SREK1IP1: variants seen among roughly 807,000 people sequenced by gnomAD.
The protein encoded by SREK1IP1 is protein SREK1IP1.
A neutral mutation model predicts 22.8 loss-of-function variants in SREK1IP1; 12 were observed. That is an observed-to-expected ratio of 0.53 (90% CI 0.34 to 0.85). SREK1IP1 has a LOEUF of 0.85. SREK1IP1 is among the 40% of genes least tolerant of loss of function. The pLI is 0.02. For missense variants in SREK1IP1, 147 were observed against 171.8 expected, an observed-to-expected ratio of 0.86 and a Z score of 0.81; for synonymous variants, 53 against 52.7, an observed-to-expected ratio of 1.01 and a Z score of -0.02.
chr5:64,755,179 C>A (rs965536124), intron 1 of SREK1IP1, among the ~76,000 whole-genome samples: 5 of 150,844 alleles, frequency 3.3e-5, no homozygotes, highest in African/African-American at 1.2e-4. Context: ...TAAAACAGCA[C>A]TATCATTCGA....
chr5:64,744,213 C>T (rs1341650094), intron 2 of SREK1IP1, among the ~76,000 whole-genome samples: 1 of 152,018 alleles, frequency 6.6e-6, no homozygotes, highest in Non-Finnish European at 1.5e-5. Context: ...GGTAGGGCAC[C>T]ATGCATAAGA....
chr5:64,728,921 C>T lies in SREK1IP1; in HGVS notation c.206-742G>A, dbSNP rs554132443. 2.6e-5 allele frequency among the ~76,000 whole-genome samples: 4 copies of T among 152,212 alleles called. No individual in the cohort carries two copies. The East Asian group carries it at 7.7e-4, about 29-fold the overall frequency. ...ATTTAAAGAAAAAGCAGGCTGGGCG[C>T]GGTGGCTCATGCCTGTAATCCCAGC... On this transcript the variant is annotated intron_variant, in intron 3 of 4. Coordinates refer to ENST00000513458, the MANE Select transcript of SREK1IP1 (RefSeq NM_173829.4).
At chr5:64,749,103 TAATA>T (rs1248638000) in intron 2 of SREK1IP1, among the ~76,000 whole-genome samples, 2 of 142,272 alleles carry the variant, frequency 1.4e-5, no homozygotes, top group Non-Finnish European at 3.0e-5. Flanking sequence ...ATAATAATAA[TAATA>T]AAAACCCTCC....
intron 3 of SREK1IP1, among the ~76,000 whole-genome samples, chr5:64,733,274 T>G (rs924800115): frequency 6.6e-6 from 1 of 152,104 alleles, no homozygotes; most frequent in Non-Finnish European, 1.5e-5. Context: ...GTAACTATTT[T>G]CAAAACAGGT....
At chr5:64,745,374 T>G (rs925099333) in intron 2 of SREK1IP1, among the ~76,000 whole-genome samples, 2 of 152,174 alleles carry the variant, frequency 1.3e-5, no homozygotes, top group African/African-American at 4.8e-5. Flanking sequence ...GTGGATCACT[T>G]GAGTCCAAGA....
At chr5:64,730,094 G>A (rs1035804299) in intron 3 of SREK1IP1, among the ~76,000 whole-genome samples, 3 of 152,104 alleles carry the variant, frequency 2.0e-5, no homozygotes, top group African/African-American at 4.8e-5. Context: ...CAACATTTAC[G>A]GGCTGAGAAG....
Position 64,724,403 on chromosome 5 carries a change from G to C in SREK1IP1, c.449C>G (p.Ser150Cys), listed in dbSNP as rs533319352. Residue 150 changes from serine to cysteine, a missense_variant, in exon 5 of 5, where the codon TCT becomes TGT. Ser to Cys is a moderately radical substitution (Grantham distance 112, BLOSUM62 -1). Transcript: ENST00000513458. ...KEKHSSTPNSSEFSRK is the reference protein window; with the variant it reads ...KEKHSSTPNSCEFSRK ...TCTCAGTTACTTTCTGGAGAATTCA[G>C]AACTATTAGGTGTAGAAGAATGCTT... is the stretch of plus-strand genomic sequence containing the variant. 7.9e-5 allele frequency: 123 copies of C among 1,559,392 alleles called. No homozygotes were observed. Among genetic ancestry groups the C allele is most frequent in the Non-Finnish European group, 1.0e-4 (117 of 1,162,382 alleles).
chr5:64,727,553 A>ATATATATATTTTTTTTTTTTT, intron 4 of SREK1IP1: 1 of 84,680 alleles, frequency 1.2e-5, no homozygotes, highest in African/African-American at 5.5e-5. Flanking sequence ...ATATATATAT[A>ATATATATATTTTTTTTTTTTT]TTTTTTTTTT....
intron 2 of SREK1IP1, among the ~76,000 whole-genome samples, chr5:64,744,948 T>A (rs183101501): frequency 2.3e-3 from 344 of 152,284 alleles, no homozygotes; most frequent in African/African-American, 8.0e-3. Context: ...GTGAGTGAAA[T>A]TTTTTCTAAT....
chr5:64,735,591 G>A (rs1288340283), intron 3 of SREK1IP1, among the ~76,000 whole-genome samples: 1 of 152,026 alleles, frequency 6.6e-6, no homozygotes, highest in Non-Finnish European at 1.5e-5. Context: ...AACTTCTGCT[G>A]GTTTGTATCT....
intron 1 of SREK1IP1, among the ~76,000 whole-genome samples, chr5:64,759,313 A>C (rs892459391): frequency 6.6e-6 from 1 of 152,182 alleles, no homozygotes; most frequent in African/African-American, 2.4e-5. Flanking sequence ...ATCCATGTCA[A>C]AGTGACTATA....
At chr5:64,727,553 A>ATATTTTTT in intron 4 of SREK1IP1, 17 of 84,680 alleles carry the variant, frequency 2.0e-4, no homozygotes, top group African/African-American at 8.8e-4. Context: ...ATATATATAT[A>ATATTTTTT]TTTTTTTTTT....
chr5:64,767,334 ATT>A (rs1743054913), intron 1 of SREK1IP1, among the ~76,000 whole-genome samples: 3 of 152,074 alleles, frequency 2.0e-5, no homozygotes, highest in Admixed American at 2.0e-4. Context: ...CTTTCTGTAA[ATT>A]TCTCTCTCTT....
chr5:64,757,375 G>A (rs1742860585), intron 1 of SREK1IP1, among the ~76,000 whole-genome samples: 1 of 152,214 alleles, frequency 6.6e-6, no homozygotes. Context: ...CAGCCTAGGT[G>A]ACAGAGGGAG....
chr5:64,729,952 A>G (rs1378070502), intron 3 of SREK1IP1, among the ~76,000 whole-genome samples: 4 of 152,202 alleles, frequency 2.6e-5, no homozygotes, highest in Non-Finnish European at 1.5e-5. Flanking sequence ...ATTAGTCTGG[A>G]CACACACACT....
intron 1 of SREK1IP1, among the ~76,000 whole-genome samples, 157 bp downstream of exon 1, chr5:64,768,348 A>G (rs1300583764): frequency 2.0e-5 from 3 of 152,062 alleles, no homozygotes; most frequent in African/African-American, 4.8e-5. Flanking sequence ...TTATGTTTGG[A>G]GTGTAAACTT....
chr5:64,755,232 A>T (rs1011902506), intron 1 of SREK1IP1, among the ~76,000 whole-genome samples: 7 of 151,948 alleles, frequency 4.6e-5, no homozygotes, highest in African/African-American at 1.7e-4. Context: ...AAAAAAAAAA[A>T]ATCATTTTAC....
At chr5:64,755,870 T>A (rs1422053463) in intron 1 of SREK1IP1, among the ~76,000 whole-genome samples, 1 of 151,806 alleles carries the variant, frequency 6.6e-6, no homozygotes, top group East Asian at 1.9e-4. Context: ...CATACATACA[T>A]TAAGGTTAAC....
At chr5:64,740,558 A>G (rs1742535619) in intron 3 of SREK1IP1, among the ~76,000 whole-genome samples, 1 of 152,082 alleles carries the variant, frequency 6.6e-6, no homozygotes, top group South Asian at 2.1e-4. Context: ...CATGCCCAGA[A>G]CTCTCTGCTT....
Sources: allele counts gnomAD v4.1 joint callset (sites outside exome capture counted in the v4.1 genomes callset), GRCh38; gene constraint gnomAD v4.1.1; transcripts MANE v1.5; gene names NCBI Gene and HGNC (gene_info 2026-07-23, HGNC 2026-07-21).